SLX4IP: variants seen among roughly 807,000 people sequenced by gnomAD.
SLX4IP encodes the protein protein SLX4IP.
Under a neutral mutation model 32.9 loss-of-function variants are expected in SLX4IP, and 34 were observed. The observed-to-expected ratio is 1.03, with a 90% CI of 0.79 to 1.38. The LOEUF (loss-of-function observed/expected upper bound fraction) is 1.38. Ranked by LOEUF, SLX4IP falls within the 40% of genes most tolerant of loss-of-function variation. SLX4IP has a pLI of 0.00. For missense variants in SLX4IP, 444 were observed against 479.0 expected, an observed-to-expected ratio of 0.93 and a Z score of 0.68; for synonymous variants, 172 against 171.7, an observed-to-expected ratio of 1.00 and a Z score of -0.01.
intron 2 of SLX4IP, among the ~76,000 whole-genome samples, chr20:10,524,412 G>A (rs758399863): frequency 1.8e-4 from 28 of 152,208 alleles, no homozygotes; most frequent in Admixed American, 3.9e-4. Context: ...TTAGTTCCAC[G>A]TTGCCGAGAA....
Position 10,565,516 on chromosome 20 carries a change from T to TGTGCTGTGTGCTGTGTGCTG in SLX4IP, c.238+4696_238+4697insGTGCTGTGTGCTGTGTGCTG, listed in dbSNP as rs1479819418. ...GGCCTGTGGCCACAGCCTTGTGCTG[T>TGTGCTGTGTGCTGTGTGCTG]TTTTTCCCTTTTGAGTCCACCACAA... On this transcript the variant is annotated intron_variant, in intron 4 of 7. Transcript: ENST00000334534. 2.0e-5 allele frequency among the ~76,000 whole-genome samples: 3 copies of TGTGCTGTGTGCTGTGTGCTG among 152,276 alleles called. No homozygotes were observed. The South Asian group carries it at 6.2e-4, about 32-fold the overall frequency.
chr20:10,462,209 A>T (rs2065343402), intron 2 of SLX4IP, among the ~76,000 whole-genome samples: 1 of 152,220 alleles, frequency 6.6e-6, no homozygotes, highest in African/African-American at 2.4e-5. Flanking sequence ...TTAGAGTTTC[A>T]GTCTTGATAT....
intron 2 of SLX4IP, among the ~76,000 whole-genome samples, chr20:10,466,088 C>A (rs1370429411): frequency 1.3e-5 from 2 of 152,080 alleles, no homozygotes; most frequent in Admixed American, 6.6e-5. Context: ...GAATGTTTAT[C>A]CATTAAAACA....
At chr20:10,452,271 G>A (rs1056974543) in intron 1 of SLX4IP, among the ~76,000 whole-genome samples, 2 of 149,992 alleles carry the variant, frequency 1.3e-5, no homozygotes, top group African/African-American at 4.9e-5. Flanking sequence ...TGGCTCCCAC[G>A]TATAATCCCA....
chr20:10,589,113 A>T (rs2066678001), intron 4 of SLX4IP, among the ~76,000 whole-genome samples: 1 of 152,206 alleles, frequency 6.6e-6, no homozygotes, highest in Non-Finnish European at 1.5e-5. Flanking sequence ...TTTAATAGGC[A>T]TTTCAGCTGA....
intron 2 of SLX4IP, among the ~76,000 whole-genome samples, chr20:10,546,316 A>T (rs202153650): frequency 6.6e-6 from 1 of 152,334 alleles, no homozygotes; most frequent in East Asian, 1.9e-4. Context: ...AGGAGAGTTC[A>T]TAGTTTTACT....
chr20:10,577,949 C>CA (rs1433323405), intron 4 of SLX4IP, among the ~76,000 whole-genome samples: 1 of 152,152 alleles, frequency 6.6e-6, no homozygotes, highest in Non-Finnish European at 1.5e-5. Context: ...TTTTAAATCT[C>CA]AGACATTTTC....
intron 2 of SLX4IP, among the ~76,000 whole-genome samples, chr20:10,511,115 C>G (rs943456802): frequency 6.6e-6 from 1 of 152,176 alleles, no homozygotes; most frequent in African/African-American, 2.4e-5. Context: ...AAGTTGTGTC[C>G]TTATTCTGTT....
chr20:10,497,156 G>GT (rs1343245600), intron 2 of SLX4IP, among the ~76,000 whole-genome samples: 3 of 152,090 alleles, frequency 2.0e-5, no homozygotes, highest in African/African-American at 7.2e-5. Context: ...ATGAGGGACT[G>GT]TGGGAGTCTG....
intron 2 of SLX4IP, among the ~76,000 whole-genome samples, chr20:10,464,050 G>A (rs1294872730): frequency 1.3e-5 from 2 of 152,174 alleles, no homozygotes; most frequent in African/African-American, 2.4e-5. Context: ...GACATTCGTA[G>A]GATAAACATA....
intron 2 of SLX4IP, among the ~76,000 whole-genome samples, chr20:10,462,224 A>G (rs1219066775): frequency 6.6e-6 from 1 of 152,208 alleles, no homozygotes; most frequent in Admixed American, 6.5e-5. Flanking sequence ...TGATATGAAA[A>G]ATTGGAGTTC....
chr20:10,440,046 A>T (rs1490422928), intron 1 of SLX4IP, among the ~76,000 whole-genome samples: 1 of 152,214 alleles, frequency 6.6e-6, no homozygotes, highest in African/African-American at 2.4e-5. Context: ...TAATTATGGG[A>T]TAATATATAG....
intron 2 of SLX4IP, among the ~76,000 whole-genome samples, chr20:10,483,468 C>G (rs1304164121): frequency 1.3e-5 from 2 of 152,098 alleles, no homozygotes; most frequent in South Asian, 2.1e-4. Context: ...AGTTTGTTCT[C>G]TTTAGTTTTA....
chr20:10,623,568 GT>G lies in SLX4IP; in HGVS notation c.*191del, dbSNP rs914021911. The G allele has an allele frequency of 3.6e-5, 28 of 769,792 alleles. No individual in the cohort carries two copies. The African/African-American group carries it at 4.7e-4, about 13-fold the overall frequency. 47.7% of individuals were successfully genotyped at this position (769,792 alleles called of 1,614,324 possible). ...TTTCAAACCGGGAGGCTATATGCTT[GT>G]TCTAACAGCGTTGCTTCTTTATCAT... On this transcript the variant is annotated 3_prime_UTR_variant, in exon 8 of 8. Coordinates refer to ENST00000334534, the MANE Select transcript of SLX4IP (RefSeq NM_001009608.3).
rs573600450 is a variant in SLX4IP at position 10,583,220 on chromosome 20, A to G, written c.239-15455A>G. 1.5e-3 allele frequency among the ~76,000 whole-genome samples: 232 copies of G among 152,338 alleles called. 1 individual carries two copies. The highest frequency in any genetic ancestry group is 2.8e-3 in the Admixed American group (43 of 15,294). On this transcript the variant is annotated intron_variant, in intron 4 of 7. Coordinates refer to ENST00000334534, the MANE Select transcript of SLX4IP (RefSeq NM_001009608.3). Reference sequence around the variant, plus strand: ...ATTTTATATATAAATGATTCAACATACAGAGCTCTAAAAGAGAAGTGATTT... The same window carrying G: ...ATTTTATATATAAATGATTCAACATGCAGAGCTCTAAAAGAGAAGTGATTT...
At chr20:10,442,188 C>T (rs2065164750) in intron 1 of SLX4IP, among the ~76,000 whole-genome samples, 1 of 152,182 alleles carries the variant, frequency 6.6e-6, no homozygotes, top group African/African-American at 2.4e-5. Context: ...GCCAGCAACA[C>T]TAGAAAGAAG....
chr20:10,483,859 G>C (rs188743323), intron 2 of SLX4IP, among the ~76,000 whole-genome samples: 140 of 140,816 alleles, frequency 9.9e-4, no homozygotes, highest in Middle Eastern at 8.7e-3. Context: ...GAAGCAAATC[G>C]TAAGACCTTA....
chr20:10,462,626 C>G (rs1037364828), intron 2 of SLX4IP, among the ~76,000 whole-genome samples: 1 of 152,164 alleles, frequency 6.6e-6, no homozygotes, highest in African/African-American at 2.4e-5. Flanking sequence ...GAAAACACTT[C>G]CCTTCTGATG....
intron 2 of SLX4IP, among the ~76,000 whole-genome samples, chr20:10,551,435 G>A (rs374860830): frequency 1.3e-5 from 2 of 152,310 alleles, no homozygotes; most frequent in East Asian, 3.9e-4. Context: ...TTGCAGACAA[G>A]GCTGTGATTT....
Sources: gnomAD v4.1 joint callset for allele counts (sites outside exome capture counted in the v4.1 genomes callset) on GRCh38, gnomAD v4.1.1 for gene constraint, MANE v1.5 for transcripts, NCBI Gene and HGNC (gene_info 2026-07-23, HGNC 2026-07-21) for gene names.